Variants in GAS7 observed in about 807,000 individuals in gnomAD.
The protein encoded by GAS7 is growth arrest-specific protein 7.
Under a neutral mutation model 71.1 loss-of-function variants are expected in GAS7, and 28 were observed. The observed-to-expected ratio is 0.39, with a 90% confidence interval of 0.29 to 0.54. The LOEUF is 0.54. Ranked by LOEUF, GAS7 falls within the 20% of genes least tolerant of loss-of-function variation. GAS7 has a pLI of 0.62. For synonymous variants in GAS7, 258 were observed against 245.8 expected (o/e 1.05, Z -0.46); for missense variants, 436 against 627.8 (o/e 0.69, Z 3.27).
At position 9,914,557 on chromosome 17, in the gene GAS7, G is replaced by A. The variant is rs1801760; in HGVS notation, c.*2671C>T. Reference sequence around the variant, plus strand: ...TGTAAAGAGTTATTTAAAGCAAACAGAGAAATTTCTGAAATTCGAATTGGA... The same window carrying A: ...TGTAAAGAGTTATTTAAAGCAAACAAAGAAATTTCTGAAATTCGAATTGGA... On this transcript the variant is annotated 3_prime_UTR_variant, in exon 14 of 14. Coordinates refer to ENST00000432992, the MANE Select transcript of GAS7 (RefSeq NM_201433.2). 0.6 allele frequency: 117,278 copies of A among 196,268 alleles called. 36,146 individuals are homozygous for A. The highest frequency in any genetic ancestry group is 0.76 in the African/African-American group (33,098 of 43,268). 12.2% of individuals were successfully genotyped at this position (196,268 alleles called of 1,614,324 possible). A position where few individuals can be genotyped will look rare whatever the true frequency, so the allele number is the denominator to read the frequency against.
intron 1 of GAS7, among the ~76,000 whole-genome samples, chr17:10,172,542 A>G (rs1167530849): frequency 6.6e-6 from 1 of 152,254 alleles, no homozygotes; most frequent in African/African-American, 2.4e-5. Flanking sequence ...AGAAAAAAAA[A>G]GAAACAGAAA....
intron 1 of GAS7, among the ~76,000 whole-genome samples, chr17:10,060,951 C>T (rs1156978656): frequency 6.6e-6 from 1 of 152,192 alleles, no homozygotes; most frequent in East Asian, 1.9e-4. Context: ...AGTGCATTAG[C>T]TCCCTGCAGA....
At chr17:10,027,924 G>T (rs1024735322) in intron 1 of GAS7, among the ~76,000 whole-genome samples, 1 of 152,102 alleles carries the variant, frequency 6.6e-6, no homozygotes. Context: ...TCACTCTGTC[G>T]CCAGGCTGGA....
At chr17:10,036,319 A>T in intron 1 of GAS7, 1 of 900,458 alleles carries the variant, frequency 1.1e-6, no homozygotes, top group Non-Finnish European at 1.8e-6. Context: ...CAGCAGTTAG[A>T]CCCCAAATCT....
intron 9 of GAS7, among the ~76,000 whole-genome samples, chr17:9,929,392 G>A (rs943845057): frequency 1.1e-4 from 16 of 152,216 alleles, no homozygotes; most frequent in African/African-American, 3.9e-4. Context: ...GAAGCGTGAC[G>A]CTGCTAACTA....
chr17:10,118,469 G>C (rs975857699), intron 1 of GAS7, among the ~76,000 whole-genome samples: 2 of 152,158 alleles, frequency 1.3e-5, no homozygotes, highest in Admixed American at 1.3e-4. Flanking sequence ...CCAACACTTT[G>C]GGAGGCCAAG....
In GAS7 at chr17:9,943,245, G is replaced by A. The variant is rs375036497; in HGVS notation, c.616-9C>T. On this transcript the variant is annotated splice_polypyrimidine_tract_variant and intron_variant, in intron 6 of 13. Transcript: ENST00000432992. Reference sequence around the variant, plus strand: ...GGGTCCTTCTTATCAGCCTACAAAGGAAGCAGAAGCACAAGAGTTTAGGGC... The same window carrying A: ...GGGTCCTTCTTATCAGCCTACAAAGAAAGCAGAAGCACAAGAGTTTAGGGC... 1.0e-4 allele frequency: 157 copies of A among 1,496,682 alleles called. 1 individual carries two copies. The highest frequency in any genetic ancestry group is 1.4e-4 in the Non-Finnish European group (149 of 1,072,402). 92.7% of individuals were successfully genotyped at this position (1,496,682 alleles called of 1,614,324 possible).
Position 9,959,480 on chromosome 17 carries a change from A to G in GAS7, c.472-225T>C. 1 of 1,400,390 alleles carries G rather than the reference A, an allele frequency of 7.1e-7. No homozygotes were observed. Among genetic ancestry groups the G allele is most frequent in the Non-Finnish European group, 9.3e-7 (1 of 1,078,652 alleles). 86.7% of individuals were successfully genotyped at this position (1,400,390 alleles called of 1,614,324 possible). On this transcript the variant is annotated intron_variant, in intron 4 of 13. Transcript: ENST00000432992. This position sits in a 1 kb window ranked among gnomAD's most constrained non-coding sequence, Gnocchi z 5.0. ...GGCGAATTAAGGAAGCCTCCTGCAC[A>G]GGCTCTGAGAGAACTGCTCCAAACC...
At chr17:10,064,970 G>A (rs1378078578) in intron 1 of GAS7, among the ~76,000 whole-genome samples, 1 of 151,442 alleles carries the variant, frequency 6.6e-6, no homozygotes, top group East Asian at 1.9e-4. Context: ...ACAGGTGTGT[G>A]CCACCACACC....
At chr17:10,134,999 A>C (rs1193047910) in intron 1 of GAS7, among the ~76,000 whole-genome samples, 1 of 151,692 alleles carries the variant, frequency 6.6e-6, no homozygotes, top group African/African-American at 2.4e-5. Flanking sequence ...CGCCCGGGTA[A>C]TTCTTGTATT....
intron 11 of GAS7, among the ~76,000 whole-genome samples, chr17:9,925,254 C>T (rs939820397): frequency 1.2e-4 from 19 of 152,330 alleles, no homozygotes; most frequent in African/African-American, 4.6e-4. Context: ...ACTAGCCCGG[C>T]CTGTGTCCTT....
chr17:9,994,487 G>A (rs2070961771), intron 2 of GAS7, among the ~76,000 whole-genome samples: 1 of 144,350 alleles, frequency 6.9e-6, no homozygotes, highest in African/African-American at 2.6e-5. Context: ...TATGTAGAAA[G>A]CTGAAACTGG....
intron 8 of GAS7, 27 bp from the exon 9 acceptor site, chr17:9,934,271 G>A (rs1157681448): frequency 6.6e-7 from 1 of 1,518,808 alleles, no homozygotes; most frequent in Non-Finnish European, 9.1e-7. Flanking sequence ...ATGAGACTCA[G>A]GTCACAAGCC....
chr17:9,945,544 T>C (rs1020552720), intron 6 of GAS7, among the ~76,000 whole-genome samples: 1 of 152,140 alleles, frequency 6.6e-6, no homozygotes, highest in Non-Finnish European at 1.5e-5. Context: ...ACAGCACAGC[T>C]GGAGCTACAG....
At chr17:10,014,692 C>T (rs2071920531) in intron 2 of GAS7, among the ~76,000 whole-genome samples, 1 of 152,150 alleles carries the variant, frequency 6.6e-6, no homozygotes, top group African/African-American at 2.4e-5. Context: ...CAGATTTCCA[C>T]ACGAATACCT....
intron 2 of GAS7, among the ~76,000 whole-genome samples, chr17:9,989,243 A>C (rs1375569178): frequency 6.6e-6 from 1 of 152,104 alleles, no homozygotes; most frequent in East Asian, 1.9e-4. Context: ...ACCGTGTCTG[A>C]GCTCTAGGCT....
chr17:10,153,392 C>T (rs966935009), intron 1 of GAS7, among the ~76,000 whole-genome samples: 19 of 151,522 alleles, frequency 1.3e-4, no homozygotes, highest in African/African-American at 4.6e-4. Context: ...TGGCGGGTGC[C>T]TGTAACCCAG....
chr17:10,061,641 C>T (rs1422927148), intron 1 of GAS7, among the ~76,000 whole-genome samples: 1 of 152,204 alleles, frequency 6.6e-6, no homozygotes, highest in African/African-American at 2.4e-5. Flanking sequence ...ACACAAGCAC[C>T]GACAGGAATG....
chr17:10,181,937 C>T (rs554027233), intron 1 of GAS7, among the ~76,000 whole-genome samples: 1 of 152,298 alleles, frequency 6.6e-6, no homozygotes, highest in Admixed American at 6.5e-5. Context: ...AATGACACTC[C>T]CACCAGCGCC....
Sources: gnomAD v4.1 joint callset for allele counts (sites outside exome capture counted in the v4.1 genomes callset) on GRCh38, gnomAD v4.1.1 for gene constraint, Gnocchi (gnomAD v3.1) non-coding constraint, MANE v1.5 for transcripts, NCBI Gene and HGNC (gene_info 2026-07-23, HGNC 2026-07-21) for gene names.